Variants in MAP3K2 observed in about 807,000 individuals in gnomAD.
MAP3K2 encodes MAP/ERK kinase kinase 2.
A neutral mutation model predicts 80.3 loss-of-function variants in MAP3K2; 24 were observed. The observed-to-expected ratio is 0.30, with a 90% confidence interval of 0.22 to 0.42. The LOEUF (loss-of-function observed/expected upper bound fraction) is 0.42, where lower values mean the gene tolerates loss of function less well. Ranked by LOEUF, MAP3K2 falls within the 10% of genes least tolerant of loss-of-function variation. The pLI is 1.00. For missense variants in MAP3K2, 608 were observed against 750.1 expected, an observed-to-expected ratio of 0.81 and a Z score of 2.21; for synonymous variants, 244 against 253.7, an observed-to-expected ratio of 0.96 and a Z score of 0.36.
At chr2:127,371,514 T>G (rs1574006425) in intron 1 of MAP3K2, among the ~76,000 whole-genome samples, 2 of 152,148 alleles carry the variant, frequency 1.3e-5, no homozygotes, top group African/African-American at 4.8e-5. Flanking sequence ...AGAGACAAAT[T>G]AGTCACACCC....
rs149189047 is a variant in MAP3K2, at chr2:127,380,712, C to T, written c.-66+6740G>A. Among the ~76,000 whole-genome samples the T allele has an allele frequency of 8.6e-3, 1,310 of 152,284 alleles. 17 individuals carry two copies. Among genetic ancestry groups the T allele is most frequent in the African/African-American group, 0.03 (1,251 of 41,546 alleles). ...TATTACAAAGCAACCATGTAATTAA[C>T]TACCAAGAGAAATATAGTCAACCAA... On this transcript the variant is annotated intron_variant, in intron 1 of 16. Coordinates refer to ENST00000682094, the MANE Select transcript of MAP3K2 (RefSeq NM_001371910.2).
intron 15 of MAP3K2, among the ~76,000 whole-genome samples, chr2:127,313,866 C>T (rs964519675): frequency 1.3e-5 from 2 of 152,074 alleles, no homozygotes; most frequent in African/African-American, 2.4e-5. Flanking sequence ...GATGGGGTCT[C>T]GCTACATTAC....
intron 1 of MAP3K2, among the ~76,000 whole-genome samples, chr2:127,369,792 T>C (rs1428173560): frequency 6.6e-6 from 1 of 152,166 alleles, no homozygotes; most frequent in African/African-American, 2.4e-5. Context: ...GTGGTGAATG[T>C]TTCTAGGTAA....
chr2:127,373,744 G>A (rs1371723671), intron 1 of MAP3K2, among the ~76,000 whole-genome samples: 1 of 152,040 alleles, frequency 6.6e-6, no homozygotes, highest in Non-Finnish European at 1.5e-5. Context: ...TCACATACCG[G>A]GACTAAAACA....
At chr2:127,378,983 T>TTG (rs1558992138) in intron 1 of MAP3K2, among the ~76,000 whole-genome samples, 1 of 41,244 alleles carries the variant, frequency 2.4e-5, no homozygotes, top group Non-Finnish European at 4.5e-5. Flanking sequence ...TTTTTGTTGT[T>TTG]TTTTTTTTTT....
In MAP3K2 at chr2:127,307,835, CA is replaced by C. The variant is rs1685731739; in HGVS notation, c.1635-32del. The stretch of plus-strand genomic sequence containing the variant: ...AAGAAACAAAAAGAAATACATTACA[CA>C]AACAACAACATGAAAGAAAGCTAGT... On this transcript the variant is annotated intron_variant, in intron 16 of 16. Transcript: ENST00000682094. The surrounding 1 kb of genome is among the most constrained non-coding windows in gnomAD (Gnocchi z 5.4). 1 of 1,428,840 alleles carries C rather than the reference CA, an allele frequency of 7.0e-7. No homozygotes were observed. The highest frequency in any genetic ancestry group is 9.6e-7 in the Non-Finnish European group (1 of 1,038,670). 88.5% of individuals were successfully genotyped at this position (1,428,840 alleles called of 1,614,324 possible).
chr2:127,311,467 A>T (rs971196993), intron 15 of MAP3K2, among the ~76,000 whole-genome samples: 2 of 152,192 alleles, frequency 1.3e-5, no homozygotes, highest in African/African-American at 4.8e-5. Context: ...GGAGGAGAAA[A>T]CGGGTAGCCA....
Position 127,307,231 on chromosome 2 carries a change from A to G in MAP3K2, c.*348T>C, listed in dbSNP as rs1279990005. 1 of 157,068 alleles carries G rather than the reference A, an allele frequency of 6.4e-6. No homozygotes were observed. The highest frequency in any genetic ancestry group is 1.4e-5 in the Non-Finnish European group (1 of 71,082). The allele number at this position is 157,068 out of a possible 1,614,324, so 9.7% of individuals were successfully genotyped here. ...GTCTTCCCATCGTCACTGATGTGTCAGTGATAGAGGGAATGACTCTACAAT... is the reference window on the plus strand; with the variant it reads ...GTCTTCCCATCGTCACTGATGTGTCGGTGATAGAGGGAATGACTCTACAAT... On this transcript the variant is annotated 3_prime_UTR_variant, in exon 17 of 17. Coordinates refer to ENST00000682094, the MANE Select transcript of MAP3K2 (RefSeq NM_001371910.2). The surrounding 1 kb of genome is among the most constrained non-coding windows in gnomAD (Gnocchi z 5.4).
Position 127,367,148 on chromosome 2 carries a change from G to A in MAP3K2, c.-66+20304C>T, listed in dbSNP as rs570597853. Among the ~76,000 whole-genome samples the A allele has an allele frequency of 3.9e-5, 6 of 152,204 alleles. No individual in the cohort carries two copies. The South Asian group carries it at 1.2e-3, about 32-fold the overall frequency. ...TATGAAGAGACATAACAGCTTGGGG[G>A]TGAAGTCAAAAGAATGCAGCCATGT... On this transcript the variant is annotated intron_variant, in intron 1 of 16. Coordinates refer to ENST00000682094, the MANE Select transcript of MAP3K2 (RefSeq NM_001371910.2).
At chr2:127,335,059 T>C (rs563327832) in intron 5 of MAP3K2, among the ~76,000 whole-genome samples, 2 of 152,286 alleles carry the variant, frequency 1.3e-5, no homozygotes, top group African/African-American at 4.8e-5. Context: ...TGAGCAACCA[T>C]GTCTGGCCTA....
At chr2:127,388,129 G>A (rs1360161962), upstream of MAP3K2, 2 of 984,602 alleles carry the variant, frequency 2.0e-6, no homozygotes, top group Non-Finnish European at 1.2e-6. Flanking sequence ...ACAGGCCACC[G>A]CCCCCACCGG....
chr2:127,377,455 G>C (rs369976748), intron 1 of MAP3K2, among the ~76,000 whole-genome samples: 3 of 151,252 alleles, frequency 2.0e-5, no homozygotes, highest in African/African-American at 7.3e-5. Flanking sequence ...TCATCACAGA[G>C]AATATATGTA....
At chr2:127,370,167 CAA>C (rs1687038961) in intron 1 of MAP3K2, among the ~76,000 whole-genome samples, 1 of 152,210 alleles carries the variant, frequency 6.6e-6, no homozygotes. Context: ...TGTGTTGACT[CAA>C]GACCTTTGTC....
At chr2:127,320,565 T>TG (rs1230537240) in intron 12 of MAP3K2, among the ~76,000 whole-genome samples, 2 of 152,030 alleles carry the variant, frequency 1.3e-5, no homozygotes, top group East Asian at 3.9e-4. Flanking sequence ...AAAAAATACT[T>TG]GGAGAGGTAA....
chr2:127,383,844 G>A (rs537457237), intron 1 of MAP3K2, among the ~76,000 whole-genome samples: 37 of 150,834 alleles, frequency 2.5e-4, no homozygotes, highest in African/African-American at 7.6e-4. Context: ...AGGCTCAGAT[G>A]TTCTTCTAGC....
intron 7 of MAP3K2, among the ~76,000 whole-genome samples, chr2:127,327,839 CA>C (rs1280847380): frequency 6.6e-6 from 1 of 152,150 alleles, no homozygotes; most frequent in Admixed American, 6.5e-5. Flanking sequence ...TTATGATTTC[CA>C]ATTTCTTCTT....
chr2:127,370,147 T>G (rs1281543362), intron 1 of MAP3K2, among the ~76,000 whole-genome samples: 1 of 152,210 alleles, frequency 6.6e-6, no homozygotes, highest in Non-Finnish European at 1.5e-5. Flanking sequence ...CCATGTGAAT[T>G]CCCCACAAGT....
At chr2:127,331,786 A>C (rs1030319027) in intron 5 of MAP3K2, among the ~76,000 whole-genome samples, 2 of 152,134 alleles carry the variant, frequency 1.3e-5, no homozygotes, top group African/African-American at 4.8e-5. Context: ...TTGTATTTTT[A>C]GCAGAGACAG....
At chr2:127,330,187 G>A (rs753661694) in intron 6 of MAP3K2, among the ~76,000 whole-genome samples, 179 bp from the exon 7 acceptor site, 15 of 152,104 alleles carry the variant, frequency 9.9e-5, no homozygotes, top group Non-Finnish European at 1.5e-4. Flanking sequence ...AGCTTCGTAT[G>A]TACAACATAT....
Sources: gnomAD v4.1 joint callset for allele counts (sites outside exome capture counted in the v4.1 genomes callset) on GRCh38, gnomAD v4.1.1 for gene constraint, Gnocchi (gnomAD v3.1) non-coding constraint, MANE v1.5 for transcripts, NCBI Gene and HGNC (gene_info 2026-07-23, HGNC 2026-07-21) for gene names.